The following SLC24A2 variants were observed in gnomAD, a reference collection of about 807,000 sequenced individuals.
SLC24A2 encodes the protein sodium/potassium/calcium exchanger 2.
SLC24A2 carries 36 observed loss-of-function variants against 62.0 expected under a neutral mutation model. The observed-to-expected ratio is 0.58, with a 90% CI of 0.44 to 0.77. The LOEUF is 0.77. Among genes scored for constraint, SLC24A2 ranks in the 30% least tolerant of loss-of-function variants. The pLI is 0.00. For missense variants in SLC24A2, 846 were observed against 817.9 expected (o/e 1.03, Z -0.42); for synonymous variants, 358 against 294.0 (o/e 1.22, Z -2.23).
chr9:19,748,674 ATT>A (rs537289880), intron 2 of SLC24A2, among the ~76,000 whole-genome samples: 1 of 117,336 alleles, frequency 8.5e-6, no homozygotes, highest in Non-Finnish European at 1.8e-5. Context: ...CCCTTTTTTG[ATT>A]TTTTTGTTTG....
the SLC24A2 span, among the ~76,000 whole-genome samples, chr9:19,895,641 G>A: frequency 1.5e-3 from 221 of 150,602 alleles, no homozygotes; most frequent in East Asian, 0.018. Flanking sequence ...TCTGGCAGCC[G>A]GGCACCAAGT....
chr9:19,761,947 TGCATGTGTCCTTATAGCA>T (rs1221582996), intron 2 of SLC24A2, among the ~76,000 whole-genome samples: 1 of 152,206 alleles, frequency 6.6e-6, no homozygotes, highest in African/African-American at 2.4e-5. Flanking sequence ...AACATACGTG[TGCATGTGTCCTTATAGCA>T]GCATGATTCA....
At chr9:19,573,721 G>A (rs1286398389) in intron 6 of SLC24A2, among the ~76,000 whole-genome samples, 1 of 152,034 alleles carries the variant, frequency 6.6e-6, no homozygotes, top group African/African-American at 2.4e-5. Context: ...TTCAGTATAC[G>A]GCCTGCCCCC....
At chr9:19,834,299 C>T in the SLC24A2 span, among the ~76,000 whole-genome samples, 1 of 151,238 alleles carries the variant, frequency 6.6e-6, no homozygotes, top group Non-Finnish European at 1.5e-5. Flanking sequence ...GAAGTTCGAA[C>T]CAATGGCAAA....
the SLC24A2 span, among the ~76,000 whole-genome samples, chr9:20,047,209 C>A: frequency 6.6e-6 from 1 of 152,126 alleles, no homozygotes; most frequent in Admixed American, 6.5e-5. Context: ...TTTGAGAACA[C>A]CAGCTTTGGA....
chr9:19,992,102 G>T, the SLC24A2 span, among the ~76,000 whole-genome samples: 2 of 152,152 alleles, frequency 1.3e-5, no homozygotes, highest in Non-Finnish European at 2.9e-5. Context: ...TTAAAAAGGG[G>T]CATGTTATCA....
rs375359713 is a variant in SLC24A2 at position 19,784,256 on chromosome 9, CA to C, written c.930+1680del. On this transcript the variant is annotated intron_variant, in intron 2 of 10. Coordinates refer to ENST00000341998, the MANE Select transcript of SLC24A2 (RefSeq NM_020344.4). Reference sequence around the variant, plus strand: ...AAACGCATGAAAGCATCTTCCACTCCACTAAACCATCTTCCACCCCACTAAA... The same window carrying C: ...AAACGCATGAAAGCATCTTCCACTCCCTAAACCATCTTCCACCCCACTAAA... Among the ~76,000 whole-genome samples the C allele has an allele frequency of 4.1e-4, 63 of 152,280 alleles. No homozygotes were observed. In the East Asian group the frequency reaches 0.012, roughly 29 times the overall value.
At chr9:19,622,003 C>T (rs545658064) in intron 3 of SLC24A2, among the ~76,000 whole-genome samples, 73 of 152,338 alleles carry the variant, frequency 4.8e-4, no homozygotes, top group South Asian at 1.0e-3. Flanking sequence ...CTTCCAACTT[C>T]TACAAAAGTT....
the SLC24A2 span, among the ~76,000 whole-genome samples, chr9:20,219,321 G>A: frequency 2.6e-5 from 4 of 152,164 alleles, no homozygotes; most frequent in African/African-American, 9.7e-5. Context: ...TGCACTGGAA[G>A]TCTGCAGCAC....
intron 9 of SLC24A2, among the ~76,000 whole-genome samples, chr9:19,523,453 T>G (rs1018317975): frequency 6.6e-6 from 1 of 151,514 alleles, no homozygotes; most frequent in African/African-American, 2.4e-5. Flanking sequence ...AAAATCTAGT[T>G]TTTTTTTTAA....
At chr9:19,850,594 A>C in the SLC24A2 span, among the ~76,000 whole-genome samples, 36 of 152,090 alleles carry the variant, frequency 2.4e-4, no homozygotes, top group African/African-American at 8.4e-4. Flanking sequence ...TTATCCCCCA[A>C]AATTTTCTTG....
the SLC24A2 span, among the ~76,000 whole-genome samples, chr9:20,017,139 C>T: frequency 2.0e-5 from 3 of 152,160 alleles, no homozygotes; most frequent in Admixed American, 1.3e-4. Context: ...TTGTGTGCCT[C>T]AGCCTCCTGA....
the SLC24A2 span, among the ~76,000 whole-genome samples, chr9:19,832,133 GT>G: frequency 6.6e-6 from 1 of 152,216 alleles, no homozygotes; most frequent in South Asian, 2.1e-4. Flanking sequence ...AGAGAGGCCA[GT>G]TTCAGAATAG....
At chr9:20,038,403 C>T in the SLC24A2 span, among the ~76,000 whole-genome samples, 1 of 152,128 alleles carries the variant, frequency 6.6e-6, no homozygotes, top group African/African-American at 2.4e-5. Context: ...CCAGTAAGGA[C>T]CTTGATTACC....
chr9:19,847,085 C>T, the SLC24A2 span, among the ~76,000 whole-genome samples: 1 of 152,074 alleles, frequency 6.6e-6, no homozygotes, highest in African/African-American at 2.4e-5. Context: ...AACAGCTTCT[C>T]TAATTATTTG....
chr9:20,142,796 G>T, the SLC24A2 span, among the ~76,000 whole-genome samples: 1 of 151,934 alleles, frequency 6.6e-6, no homozygotes, highest in Non-Finnish European at 1.5e-5. Flanking sequence ...GGGTTTCACC[G>T]TGTTGGTCAG....
At chr9:19,870,306 AT>A in the SLC24A2 span, among the ~76,000 whole-genome samples, 2 of 152,192 alleles carry the variant, frequency 1.3e-5, no homozygotes, top group Non-Finnish European at 2.9e-5. Flanking sequence ...TTTACTTAGC[AT>A]AATGTTTTCA....
At chr9:20,123,525 C>A in the SLC24A2 span, among the ~76,000 whole-genome samples, 1 of 152,270 alleles carries the variant, frequency 6.6e-6, no homozygotes, top group East Asian at 1.9e-4. Context: ...TCAGGCAGAT[C>A]TAGCTTCAAA....
chr9:20,020,883 T>C, the SLC24A2 span, among the ~76,000 whole-genome samples: 2 of 152,226 alleles, frequency 1.3e-5, no homozygotes, highest in African/African-American at 2.4e-5. Context: ...GGTTTCATTA[T>C]ATTCAACATC....
Sources: gnomAD v4.1 joint callset for allele counts (sites outside exome capture counted in the v4.1 genomes callset) on GRCh38, gnomAD v4.1.1 for gene constraint, MANE v1.5 for transcripts, NCBI Gene and HGNC (gene_info 2026-07-23, HGNC 2026-07-21) for gene names.